NPHP4: variants seen among roughly 807,000 people sequenced by gnomAD.
The protein encoded by NPHP4 is nephrocystin 4, also known as nephrocystin-4.
A neutral mutation model predicts 155.8 loss-of-function variants in NPHP4; 151 were observed. The ratio of observed to expected loss-of-function variants is 0.97; its 90% confidence interval spans 0.85 to 1.11. The LOEUF is 1.11. Among genes scored for constraint, NPHP4 ranks in the 50% least tolerant of loss-of-function variants. NPHP4 has a pLI of 0.00. For missense variants in NPHP4, 1,956 were observed against 1,925.7 expected, an observed-to-expected ratio of 1.02 and a Z score of -0.29; for synonymous variants, 845 against 816.8, an observed-to-expected ratio of 1.03 and a Z score of -0.59.
rs1177507755 is a variant in NPHP4, at chr1:5,890,504, T to TCG, written c.2304+362_2304+363dup. Among the ~76,000 whole-genome samples, 1 of 152,122 alleles carries TCG rather than the reference T, an allele frequency of 6.6e-6. No individual in the cohort carries two copies. The highest frequency in any genetic ancestry group is 6.5e-5 in the Admixed American group (1 of 15,272). ...AGGTCACACTGCACACCCCAGTCAT[T>TCG]CGCGTATCCATTCATTCATCCTCAA... On this transcript the variant is annotated intron_variant, in intron 17 of 29. Coordinates refer to ENST00000378156, the MANE Select transcript of NPHP4 (RefSeq NM_015102.5). The surrounding 1 kb of genome is among the most constrained non-coding windows in gnomAD (Gnocchi z 4.9).
chr1:5,906,906 G>A (rs1252272523), intron 13 of NPHP4, among the ~76,000 whole-genome samples: 1 of 152,180 alleles, frequency 6.6e-6, no homozygotes, highest in Non-Finnish European at 1.5e-5. Flanking sequence ...AGAACTCATG[G>A]GCCACATTCT....
In NPHP4 at chr1:5,863,214, C is replaced by G; in HGVS notation, c.*51G>C. 1 of 1,606,316 alleles carries G rather than the reference C, an allele frequency of 6.2e-7. No homozygotes were observed. ...AGGACAGCCTGCAGGGCAGGAGGGG[C>G]ACAGACAGGCCCCAGCTGGGTGCCG... On this transcript the variant is annotated 3_prime_UTR_variant, in exon 30 of 30. Transcript: ENST00000378156.
At position 5,877,303 on chromosome 1, in the gene NPHP4, G is replaced by A. The variant is rs760099622; in HGVS notation, c.2612-5C>T. 22 of 1,586,002 alleles carry A rather than the reference G, an allele frequency of 1.4e-5. No individual in the cohort carries two copies. The highest frequency in any genetic ancestry group is 1.7e-4 in the Middle Eastern group (1 of 6,006). ...GTGCTTGCACCACGTGTTTTCCTGC[G>A]AAAGGGTCAGAGCGCGAGTCAGGTA... On this transcript the variant is annotated splice_polypyrimidine_tract_variant and splice_region_variant and intron_variant, in intron 19 of 29. Coordinates refer to ENST00000378156, the MANE Select transcript of NPHP4 (RefSeq NM_015102.5).
chr1:5,961,308 G>C (rs1650273685), intron 6 of NPHP4, among the ~76,000 whole-genome samples: 1 of 152,236 alleles, frequency 6.6e-6, no homozygotes, highest in Admixed American at 6.5e-5. Flanking sequence ...GAAGAGGAAA[G>C]AGCTCAGGGA....
At chr1:5,942,969 T>C (rs887648483) in intron 9 of NPHP4, among the ~76,000 whole-genome samples, 3 of 152,224 alleles carry the variant, frequency 2.0e-5, no homozygotes, top group Non-Finnish European at 2.9e-5. Flanking sequence ...TTGCATTTCA[T>C]GCTCATGTTA....
intron 3 of NPHP4, among the ~76,000 whole-genome samples, chr1:5,972,519 T>A (rs775672482): frequency 6.6e-6 from 1 of 152,136 alleles, no homozygotes; most frequent in Admixed American, 6.5e-5. Context: ...CAACATCTTA[T>A]CCATCTCTGC....
intron 16 of NPHP4, among the ~76,000 whole-genome samples, chr1:5,901,938 G>GAGGGGTT (rs1183225942): frequency 5.9e-5 from 9 of 152,174 alleles, no homozygotes; most frequent in Non-Finnish European, 1.2e-4. Flanking sequence ...CGCCCTGGTG[G>GAGGGGTT]TGACCAGCCC....
intron 10 of NPHP4, among the ~76,000 whole-genome samples, chr1:5,931,827 C>G (rs1256461982): frequency 6.6e-6 from 1 of 150,962 alleles, no homozygotes; most frequent in Non-Finnish European, 1.5e-5. Context: ...ATAATCCCAA[C>G]ACTCTGGGAG....
chr1:5,966,240 T>G (rs544713176), intron 5 of NPHP4, among the ~76,000 whole-genome samples: 1 of 152,236 alleles, frequency 6.6e-6, no homozygotes, highest in East Asian at 1.9e-4. Flanking sequence ...GGGAGTGGGT[T>G]TGACGTTTTG....
chr1:5,940,223 T>C (rs1310225097), intron 9 of NPHP4, among the ~76,000 whole-genome samples: 4 of 152,082 alleles, frequency 2.6e-5, no homozygotes, highest in Non-Finnish European at 4.4e-5. Context: ...ATGAATGCCA[T>C]TGTCTCGGGA....
chr1:5,887,274 G>T lies in NPHP4; in HGVS notation c.2485+12C>A, dbSNP rs769480369. On this transcript the variant is annotated intron_variant, in intron 18 of 29. Transcript: ENST00000378156. ...GCCGCTGGAGAAATGGCACAAGGCT[G>T]GGGACTCTTACCCACGTTGGCCAAA... 2.5e-6 allele frequency: 4 copies of T among 1,608,548 alleles called. No individual in the cohort carries two copies. In the African/African-American group the frequency reaches 5.3e-5, roughly 21 times the overall value.
intron 5 of NPHP4, 69 bp from the exon 6 acceptor site, chr1:5,962,018 A>G: frequency 8.1e-7 from 1 of 1,239,164 alleles, no homozygotes; most frequent in South Asian, 1.4e-5. Context: ...AAACCAGCCA[A>G]TTAACAGAGA....
intron 7 of NPHP4, among the ~76,000 whole-genome samples, chr1:5,948,696 C>T (rs887425844): frequency 5.3e-5 from 8 of 152,036 alleles, no homozygotes; most frequent in Admixed American, 6.6e-5. Flanking sequence ...ATTCCCTGGA[C>T]GACGATGGAG....
chr1:5,883,513 G>A (rs965724427), intron 18 of NPHP4, among the ~76,000 whole-genome samples: 1 of 152,198 alleles, frequency 6.6e-6, no homozygotes, highest in Non-Finnish European at 1.5e-5. Flanking sequence ...AGGGGCAGCA[G>A]CTCACGGGCT....
Position 5,874,534 on chromosome 1 carries a change from G to T in NPHP4, c.3168C>A (p.His1056Gln). The T allele has an allele frequency of 6.3e-7, 1 of 1,595,676 alleles. No individual in the cohort carries two copies. Among genetic ancestry groups the T allele is most frequent in the Non-Finnish European group, 8.5e-7 (1 of 1,171,540 alleles). Residue 1056 changes from histidine to glutamine, a missense_variant, in exon 22 of 30, where the codon CAC becomes CAA. His to Gln is a conservative substitution (Grantham distance 24). Transcript: ENST00000378156. ...ACTTGAAGGGGACGTGGGCGGTCTC[G>T]TGGGGGCGCAGGTAGAGCTGGGGGG... ...SLAPQLYLRPHETAHVPFKFQ... is the reference protein window; with the variant it reads ...SLAPQLYLRPQETAHVPFKFQ...
intron 2 of NPHP4, among the ~76,000 whole-genome samples, chr1:5,981,490 A>G (rs1654691887): frequency 6.6e-6 from 1 of 152,200 alleles, no homozygotes; most frequent in Admixed American, 6.5e-5. Flanking sequence ...AAAAAAGTAA[A>G]TGGGACAGTA....
At chr1:5,958,653 C>T (rs1285641319) in intron 6 of NPHP4, among the ~76,000 whole-genome samples, 1 of 151,270 alleles carries the variant, frequency 6.6e-6, no homozygotes. Context: ...CGAGATTGTG[C>T]CACTTCACTC....
intron 3 of NPHP4, among the ~76,000 whole-genome samples, chr1:5,975,932 G>C (rs1557874095): frequency 1.3e-5 from 2 of 152,186 alleles, no homozygotes; most frequent in Non-Finnish European, 2.9e-5. Context: ...CCCGCTTCTG[G>C]CCTGCGCAGC....
intron 19 of NPHP4, 146 bp from the exon 20 acceptor site, chr1:5,877,444 G>C: frequency 1.9e-6 from 1 of 521,902 alleles, no homozygotes; most frequent in Non-Finnish European, 3.4e-6. Context: ...AATCTGCAGA[G>C]TTCTGAGATC....
Sources: gnomAD v4.1 joint callset for allele counts (sites outside exome capture counted in the v4.1 genomes callset) on GRCh38, gnomAD v4.1.1 for gene constraint, Gnocchi (gnomAD v3.1) non-coding constraint, MANE v1.5 for transcripts, NCBI Gene and HGNC (gene_info 2026-07-23, HGNC 2026-07-21) for gene names.